Variants in GRID2 observed in about 807,000 individuals in gnomAD.
GRID2 encodes glutamate ionotropic receptor delta type subunit 2, also known as glutamate receptor ionotropic, delta-2.
GRID2 carries 33 observed loss-of-function variants against 114.8 expected under a neutral mutation model. That is an observed-to-expected ratio of 0.29 (90% confidence interval 0.22 to 0.38). The LOEUF (loss-of-function observed/expected upper bound fraction) is 0.38. Among genes scored for constraint, GRID2 ranks in the 10% least tolerant of loss-of-function variants. GRID2 has a pLI of 1.00. For missense variants in GRID2, 1,184 were observed against 1,257.7 expected (o/e 0.94, Z 0.89); for synonymous variants, 505 against 449.9 (o/e 1.12, Z -1.55).
intron 8 of GRID2, among the ~76,000 whole-genome samples, chr4:93,306,998 C>T (rs1218649485): frequency 6.6e-6 from 1 of 152,030 alleles, no homozygotes; most frequent in Non-Finnish European, 1.5e-5. Flanking sequence ...GAGTTTAAGA[C>T]CAGCCTGGCC....
chr4:93,275,054 T>C (rs1751897773), intron 8 of GRID2, among the ~76,000 whole-genome samples: 2 of 151,954 alleles, frequency 1.3e-5, no homozygotes, highest in African/African-American at 4.8e-5. Context: ...GTACATCCAA[T>C]AGTAGTCACC....
chr4:93,391,305 A>G (rs1764832478), intron 8 of GRID2, among the ~76,000 whole-genome samples: 1 of 152,170 alleles, frequency 6.6e-6, no homozygotes, highest in South Asian at 2.1e-4. Flanking sequence ...TGTATTTTTT[A>G]CACTTTCTAT....
intron 9 of GRID2, among the ~76,000 whole-genome samples, chr4:93,401,323 C>T (rs890399229): frequency 2.0e-5 from 3 of 151,964 alleles, no homozygotes; most frequent in African/African-American, 4.8e-5. Flanking sequence ...GATTTTTCTG[C>T]ATTTTATAAA....
At chr4:92,920,814 C>T (rs953216039) in intron 2 of GRID2, among the ~76,000 whole-genome samples, 1 of 152,124 alleles carries the variant, frequency 6.6e-6, no homozygotes, top group African/African-American at 2.4e-5. Context: ...GTGAATCTGA[C>T]AATTATGTGT....
chr4:93,790,410 C>T (rs993781427), intron 1 of GRID2, among the ~76,000 whole-genome samples: 3 of 152,030 alleles, frequency 2.0e-5, no homozygotes, highest in Non-Finnish European at 4.4e-5. Context: ...CAGTCTTGGA[C>T]TTACAAAAAG....
At chr4:93,602,425 C>G (rs369571903) in intron 13 of GRID2, among the ~76,000 whole-genome samples, 15 of 152,254 alleles carry the variant, frequency 9.9e-5, no homozygotes, top group African/African-American at 3.6e-4. Context: ...TTGCAGCAGC[C>G]CTGCATCAAG....
At chr4:92,829,593 C>T (rs966312512) in intron 2 of GRID2, among the ~76,000 whole-genome samples, 4 of 151,860 alleles carry the variant, frequency 2.6e-5, no homozygotes, top group Non-Finnish European at 5.9e-5. Context: ...GGGTATATAC[C>T]CAAAGGATTA....
intron 14 of GRID2, among the ~76,000 whole-genome samples, chr4:93,764,331 T>C (rs1442122733): frequency 6.6e-6 from 1 of 152,088 alleles, no homozygotes; most frequent in East Asian, 1.9e-4. Flanking sequence ...GGATCACAAA[T>C]GTTTTAATAT....
At chr4:92,877,364 A>G (rs1286716431) in intron 2 of GRID2, among the ~76,000 whole-genome samples, 1 of 152,198 alleles carries the variant, frequency 6.6e-6, no homozygotes, top group Non-Finnish European at 1.5e-5. Context: ...TTCTCTAAAG[A>G]CAGAAAACTC....
At chr4:93,605,623 G>A (rs951285671) in intron 13 of GRID2, among the ~76,000 whole-genome samples, 19 of 152,130 alleles carry the variant, frequency 1.2e-4, no homozygotes, top group African/African-American at 7.2e-5. Flanking sequence ...TTGTGACCAC[G>A]AGAAAGAAAG....
intron 4 of GRID2, among the ~76,000 whole-genome samples, chr4:93,200,362 C>A (rs1023116348): frequency 6.6e-5 from 10 of 152,000 alleles, no homozygotes; most frequent in Non-Finnish European, 1.3e-4. Flanking sequence ...GTCAGGAGAT[C>A]GAGACCATCC....
intron 14 of GRID2, among the ~76,000 whole-genome samples, chr4:93,698,510 G>C (rs1377246337): frequency 6.6e-6 from 1 of 152,020 alleles, no homozygotes; most frequent in African/African-American, 2.4e-5. Context: ...TGTACTAACT[G>C]AGGTCATAAC....
chr4:92,864,276 G>A (rs1488047103), intron 2 of GRID2, among the ~76,000 whole-genome samples: 1 of 152,128 alleles, frequency 6.6e-6, no homozygotes, highest in Non-Finnish European at 1.5e-5. Context: ...CTTCCCATGG[G>A]AAAAGAAGTT....
intron 2 of GRID2, among the ~76,000 whole-genome samples, chr4:93,071,567 C>A (rs1728806796): frequency 6.6e-6 from 1 of 152,020 alleles, no homozygotes; most frequent in South Asian, 2.1e-4. Context: ...AGTGGGGCTG[C>A]AGGAACTGAG....
At chr4:92,480,085 G>A (rs1040691389) in intron 1 of GRID2, among the ~76,000 whole-genome samples, 1 of 151,938 alleles carries the variant, frequency 6.6e-6, no homozygotes, top group Non-Finnish European at 1.5e-5. Context: ...CAATTTCTGT[G>A]TAATAATGAT....
chr4:92,445,935 TATCTC>T (rs1733437624), intron 1 of GRID2, among the ~76,000 whole-genome samples: 3 of 152,270 alleles, frequency 2.0e-5, no homozygotes, highest in Admixed American at 1.3e-4. Context: ...ATAAAACTCT[TATCTC>T]ATATTTTTTG....
At position 93,416,188 on chromosome 4, in the gene GRID2, T is replaced by A. The variant is rs116221947; in HGVS notation, c.1348-6583T>A. Reference sequence around the variant, plus strand: ...TTTTCTATTCTGGTGTCTTGATATCTCCTTTTAACAAATTCCATACCATTG... The same window carrying A: ...TTTTCTATTCTGGTGTCTTGATATCACCTTTTAACAAATTCCATACCATTG... On this transcript the variant is annotated intron_variant, in intron 9 of 15. Coordinates refer to ENST00000282020, the MANE Select transcript of GRID2 (RefSeq NM_001510.4). Among the ~76,000 whole-genome samples, 1,132 of 152,124 alleles carry A rather than the reference T, an allele frequency of 7.4e-3. 13 individuals are homozygous for A. Among genetic ancestry groups the A allele is most frequent in the African/African-American group, 0.026 (1,062 of 41,538 alleles).
At chr4:93,355,715 C>T (rs926757405) in intron 8 of GRID2, among the ~76,000 whole-genome samples, 1 of 152,028 alleles carries the variant, frequency 6.6e-6, no homozygotes, top group Non-Finnish European at 1.5e-5. Flanking sequence ...CTAGAATTTG[C>T]TTGTAATTTT....
At chr4:93,524,346 G>A (rs911545202) in intron 13 of GRID2, among the ~76,000 whole-genome samples, 2 of 151,942 alleles carry the variant, frequency 1.3e-5, no homozygotes, top group African/African-American at 2.4e-5. Flanking sequence ...TGAGAGCTCC[G>A]ATACCACTGG....
Sources: allele counts gnomAD v4.1 joint callset (sites outside exome capture counted in the v4.1 genomes callset), GRCh38; gene constraint gnomAD v4.1.1; transcripts MANE v1.5; gene names NCBI Gene and HGNC (gene_info 2026-07-23, HGNC 2026-07-21).